The following FAT4 variants were observed in gnomAD, a reference collection of about 807,000 sequenced individuals.
The protein encoded by FAT4 is FAT atypical cadherin 4.
In FAT4, 84 loss-of-function variants were observed where a neutral mutation model predicts 303.9. The observed-to-expected ratio is 0.28, with a 90% CI of 0.23 to 0.33. FAT4 has a LOEUF of 0.33. Among genes scored for constraint, FAT4 ranks in the 10% least tolerant of loss-of-function variants. The pLI is 1.00. For missense variants in FAT4, 6,005 were observed against 6,146.8 expected (o/e 0.98, Z 0.77); for synonymous variants, 2,307 against 2,298.8 (o/e 1.00, Z -0.10).
At chr4:125,406,235 A>T (rs1460615606) in intron 3 of FAT4, among the ~76,000 whole-genome samples, 1 of 152,036 alleles carries the variant, frequency 6.6e-6, no homozygotes, top group African/African-American at 2.4e-5. Flanking sequence ...TTTTCCCAAC[A>T]CCCCTTGTTG....
rs577538877 is a variant in FAT4, at chr4:125,396,587, T to C, written c.5176-2197T>C. On this transcript the variant is annotated intron_variant, in intron 2 of 17. Coordinates refer to ENST00000394329, the MANE Select transcript of FAT4 (RefSeq NM_001291303.3). The stretch of plus-strand genomic sequence containing the variant: ...CCACACATACTTACATAAACACACG[T>C]ACATTTTTTCACAAAGACATTTACA... 2.6e-5 allele frequency among the ~76,000 whole-genome samples: 4 copies of C among 152,100 alleles called. No individual in the cohort carries two copies. In the South Asian group the frequency reaches 6.2e-4, roughly 24 times the overall value.
intron 2 of FAT4, among the ~76,000 whole-genome samples, chr4:125,349,804 A>G (rs1478210291): frequency 6.6e-6 from 1 of 151,732 alleles, no homozygotes. Context: ...AAATAAAAAC[A>G]AATAACTGTT....
In FAT4 at chr4:125,492,033, T is replaced by A. The variant is rs549472912; in HGVS notation, c.*265T>A. The stretch of plus-strand genomic sequence containing the variant: ...GCATGCAGCATTTGGAAAATTTTTC[T>A]TATTTACCAGTGTTTGATTTGTGAT... On this transcript the variant is annotated 3_prime_UTR_variant, in exon 18 of 18. Transcript: ENST00000394329. 38 of 398,328 alleles carry A rather than the reference T, an allele frequency of 9.5e-5. No homozygotes were observed. The East Asian group carries it at 1.5e-3, about 15-fold the overall frequency. 24.7% of individuals were successfully genotyped at this position (398,328 alleles called of 1,614,324 possible).
Position 125,452,494 on chromosome 4 carries a change from A to G in FAT4, c.11484A>G (p.Val3828=). 2 of 1,614,056 alleles carry G rather than the reference A, an allele frequency of 1.2e-6. No homozygotes were observed. The highest frequency in any genetic ancestry group is 1.1e-5 in the South Asian group (1 of 91,078). ...SCLRRLAVSS[V]LKSRESLPVI... ...TACGAAGATTGGCTGTGAGCTCCGTATTAAAAAGCCGTGAGAGTCTTCCAG... is the reference window on the plus strand; with the variant it reads ...TACGAAGATTGGCTGTGAGCTCCGTGTTAAAAAGCCGTGAGAGTCTTCCAG... The change falls in exon 10 of 18, where the codon GTA becomes GTG. Residue 3828 remains valine (V), a synonymous_variant. Coordinates refer to ENST00000394329, the MANE Select transcript of FAT4 (RefSeq NM_001291303.3).
At chr4:125,345,436 T>C (rs956153108) in intron 2 of FAT4, among the ~76,000 whole-genome samples, 2 of 150,326 alleles carry the variant, frequency 1.3e-5, no homozygotes, top group Admixed American at 6.6e-5. Context: ...TAAGGACTTC[T>C]AAAGAAGTAT....
chr4:125,464,452 G>A (rs1467280808), intron 11 of FAT4, among the ~76,000 whole-genome samples: 3 of 150,276 alleles, frequency 2.0e-5, no homozygotes, highest in Non-Finnish European at 4.4e-5. Context: ...TTACACCACA[G>A]CATAGAATCC....
rs761789494 is a variant in FAT4 at position 125,451,320 on chromosome 4, C to A, written c.10310C>A (p.Pro3437His). ...AGTGCCTTTGACTCAGACTCCATCCCCAGCTGGAGCAGGTTTTCTTACTTC... is the reference window on the plus strand; with the variant it reads ...AGTGCCTTTGACTCAGACTCCATCCACAGCTGGAGCAGGTTTTCTTACTTC... The part of the protein sequence containing the change: ...FVSAFDSDSI[P>H]SWSRFSYFIG... The change falls in exon 10 of 18, where the codon CCC (proline) becomes CAC (histidine). Residue 3437 changes from proline (P) to histidine (H), a missense_variant. Physicochemically the swap from Pro to His is moderately conservative, Grantham distance 77. Coordinates refer to ENST00000394329, the MANE Select transcript of FAT4 (RefSeq NM_001291303.3). The A allele has an allele frequency of 5.0e-6, 8 of 1,613,998 alleles. No individual in the cohort carries two copies. The East Asian group carries it at 1.8e-4, about 36-fold the overall frequency.
At chr4:125,464,404 A>G (rs1370495933) in intron 11 of FAT4, among the ~76,000 whole-genome samples, 1 of 152,056 alleles carries the variant, frequency 6.6e-6, no homozygotes, top group East Asian at 1.9e-4. Context: ...GGCTTGTTTC[A>G]TAAGTTTGTG....
chr4:125,455,626 T>C (rs185564008), intron 10 of FAT4, among the ~76,000 whole-genome samples: 1 of 152,186 alleles, frequency 6.6e-6, no homozygotes, highest in Non-Finnish European at 1.5e-5. Context: ...GCACAGAAAG[T>C]GTTCTAACTA....
intron 2 of FAT4, among the ~76,000 whole-genome samples, chr4:125,356,549 G>GTT (rs57855830): frequency 5.6e-4 from 73 of 131,444 alleles, no homozygotes; most frequent in South Asian, 1.4e-3. Context: ...TTTGTTTTTT[G>GTT]TTTTTTTTTT....
intron 2 of FAT4, among the ~76,000 whole-genome samples, chr4:125,340,045 G>T (rs889157077): frequency 3.0e-4 from 46 of 152,026 alleles, no homozygotes; most frequent in African/African-American, 1.1e-3. Context: ...TTAATCAAAT[G>T]AATATAGAAA....
At chr4:125,464,079 ATT>A (rs2126071985) in intron 11 of FAT4, among the ~76,000 whole-genome samples, 1 of 151,938 alleles carries the variant, frequency 6.6e-6, no homozygotes, top group East Asian at 1.9e-4. Flanking sequence ...TTTATTTTTT[ATT>A]TTTGTTTTTT....
Position 125,450,826 on chromosome 4 carries a change from C to T in FAT4, c.9816C>T (p.Ala3272=). The T allele has an allele frequency of 6.2e-7, 1 of 1,614,104 alleles. No individual in the cohort carries two copies. The highest frequency in any genetic ancestry group is 8.5e-7 in the Non-Finnish European group (1 of 1,180,012). Residue 3272 remains alanine, a synonymous_variant, in exon 10 of 18, where the codon GCC becomes GCT. Coordinates refer to ENST00000394329, the MANE Select transcript of FAT4 (RefSeq NM_001291303.3). ...TKQSYHLTVK[A]FNVPDEERCS... ...AGAGCTACCATCTTACTGTGAAAGCCTTCAATGTCCCCGATGAGGAAAGGT... is the reference window on the plus strand; with the variant it reads ...AGAGCTACCATCTTACTGTGAAAGCTTTCAATGTCCCCGATGAGGAAAGGT...
chr4:125,425,332 T>C (rs1725050597), intron 7 of FAT4, among the ~76,000 whole-genome samples: 2 of 152,168 alleles, frequency 1.3e-5, no homozygotes, highest in African/African-American at 4.8e-5. Flanking sequence ...CCAACCCACT[T>C]AACAGGTGAT....
intron 12 of FAT4, among the ~76,000 whole-genome samples, chr4:125,469,257 G>A (rs1034970072): frequency 6.6e-6 from 1 of 152,188 alleles, no homozygotes; most frequent in Non-Finnish European, 1.5e-5. Context: ...GCTAGTCATA[G>A]TCTTTTTGCT....
At chr4:125,355,311 A>G (rs1398137845) in intron 2 of FAT4, among the ~76,000 whole-genome samples, 1 of 152,024 alleles carries the variant, frequency 6.6e-6, no homozygotes, top group Non-Finnish European at 1.5e-5. Context: ...TAGTTATAAC[A>G]GAAAATTTGG....
chr4:125,468,993 A>G (rs1726769513), intron 12 of FAT4, among the ~76,000 whole-genome samples, 174 bp downstream of exon 12: 1 of 151,196 alleles, frequency 6.6e-6, no homozygotes, highest in Non-Finnish European at 1.5e-5. Flanking sequence ...CAAAAACAAT[A>G]AAAAGGAGAA....
intron 15 of FAT4, 39 bp from the exon 16 acceptor site, chr4:125,481,482 T>A: frequency 6.4e-7 from 1 of 1,568,862 alleles, no homozygotes; most frequent in Non-Finnish European, 8.8e-7. Context: ...AAATGCCAAA[T>A]GAATGCATTC....
intron 2 of FAT4, among the ~76,000 whole-genome samples, chr4:125,381,266 C>T (rs1274544920): frequency 6.6e-6 from 1 of 152,130 alleles, no homozygotes; most frequent in Non-Finnish European, 1.5e-5. Flanking sequence ...TTCTGCCCTT[C>T]TATACTTTTC....
Sources: allele counts gnomAD v4.1 joint callset (sites outside exome capture counted in the v4.1 genomes callset), GRCh38; gene constraint gnomAD v4.1.1; transcripts MANE v1.5; gene names NCBI Gene and HGNC (gene_info 2026-07-23, HGNC 2026-07-21).